STRN3: variants seen among roughly 807,000 people sequenced by gnomAD.
The protein encoded by STRN3 is striatin 3.
Under a neutral mutation model 95.6 loss-of-function variants are expected in STRN3, and 29 were observed. The observed-to-expected ratio is 0.30, with a 90% CI of 0.23 to 0.41. STRN3 has a LOEUF of 0.41. Among genes scored for constraint, STRN3 ranks in the 10% least tolerant of loss-of-function variants. The probability of loss-of-function intolerance (pLI) is 1.00; values close to 1 mark genes in which losing one functional copy is unlikely to be tolerated. For missense variants in STRN3, 890 were observed against 972.1 expected, an observed-to-expected ratio of 0.92 and a Z score of 1.12; for synonymous variants, 331 against 357.6, an observed-to-expected ratio of 0.93 and a Z score of 0.84.
chr14:30,941,094 G>A (rs768304646), intron 5 of STRN3, among the ~76,000 whole-genome samples: 7 of 152,118 alleles, frequency 4.6e-5, no homozygotes, highest in Non-Finnish European at 5.9e-5. Context: ...ACCCAGAAAA[G>A]GGTCTTCACC....
intron 1 of STRN3, among the ~76,000 whole-genome samples, chr14:30,995,879 A>G (rs190430632): frequency 7.2e-5 from 11 of 152,330 alleles, no homozygotes; most frequent in Admixed American, 6.5e-4. Context: ...AGAATGCTGG[A>G]AAACAGCCCT....
chr14:30,902,707 C>A, intron 15 of STRN3, 64 bp from the exon 16 acceptor site: 1 of 1,040,894 alleles, frequency 9.6e-7, no homozygotes, highest in South Asian at 1.4e-5. Flanking sequence ...GGATAATGGC[C>A]TTTTTAATCG....
At position 30,895,371 on chromosome 14, in the gene STRN3, T is replaced by C; in HGVS notation, c.*40A>G. ...ATGGCAGTGATGCAGACCCTCTTTC[T>C]GTCCAAGCAAATCTTGTTACGATGC... On this transcript the variant is annotated 3_prime_UTR_variant, in exon 18 of 18. Coordinates refer to ENST00000357479, the MANE Select transcript of STRN3 (RefSeq NM_001083893.2). 1 of 1,558,246 alleles carries C rather than the reference T, an allele frequency of 6.4e-7. No homozygotes were observed. Among genetic ancestry groups the C allele is most frequent in the South Asian group, 1.2e-5 (1 of 82,876 alleles).
chr14:30,985,395 G>T (rs1594541550), intron 1 of STRN3, among the ~76,000 whole-genome samples: 2 of 152,158 alleles, frequency 1.3e-5, no homozygotes, highest in East Asian at 1.9e-4. Flanking sequence ...CCTGAGGTCG[G>T]GAGTTCGAGA....
intron 16 of STRN3, among the ~76,000 whole-genome samples, chr14:30,898,230 GTC>G (rs146145395): frequency 0.1 from 15,144 of 152,120 alleles, 825 homozygotes; most frequent in South Asian, 0.16. Flanking sequence ...TCCTGCCTCA[GTC>G]TCTCAAAGTG....
intron 5 of STRN3, among the ~76,000 whole-genome samples, chr14:30,937,555 C>T (rs1019570741): frequency 7.9e-5 from 12 of 151,854 alleles, no homozygotes; most frequent in Non-Finnish European, 1.5e-4. Context: ...TATGCACACA[C>T]AAAAAAAGGT....
intron 16 of STRN3, among the ~76,000 whole-genome samples, chr14:30,898,417 T>C (rs890469683): frequency 6.6e-6 from 1 of 152,198 alleles, no homozygotes; most frequent in Non-Finnish European, 1.5e-5. Context: ...ATGCTATAAT[T>C]TTCCAAGTTT....
chr14:30,972,797 C>A (rs1326254059), intron 1 of STRN3, among the ~76,000 whole-genome samples: 2 of 152,028 alleles, frequency 1.3e-5, no homozygotes, highest in African/African-American at 4.8e-5. Flanking sequence ...AGAACAAGAC[C>A]CTATCTCTAT....
At chr14:31,025,084 C>T (rs1013793342) in intron 1 of STRN3, 3 of 152,152 alleles carry the variant, frequency 2.0e-5, no homozygotes, top group African/African-American at 4.8e-5. Context: ...GATATAACTA[C>T]GTTTCACTTC....
rs561008066 is a variant in STRN3 at position 31,020,864 on chromosome 14, C to A, written c.282+5040G>T. Among the ~76,000 whole-genome samples the A allele has an allele frequency of 4.6e-5, 7 of 152,156 alleles. No individual in the cohort carries two copies. The East Asian group carries it at 1.2e-3, about 25-fold the overall frequency. ...GAGGCTACAGTAAGCCATGTTGGCACCACTGCACTCCAGCCTCGGCAACAG... is the reference window on the plus strand; with the variant it reads ...GAGGCTACAGTAAGCCATGTTGGCAACACTGCACTCCAGCCTCGGCAACAG... On this transcript the variant is annotated intron_variant, in intron 1 of 17. Transcript: ENST00000357479.
At chr14:30,972,403 G>A (rs1880879552) in intron 1 of STRN3, among the ~76,000 whole-genome samples, 1 of 152,188 alleles carries the variant, frequency 6.6e-6, no homozygotes, top group Non-Finnish European at 1.5e-5. Flanking sequence ...ATGCATCAGG[G>A]ATAAAGAACC....
chr14:30,975,537 CT>C lies in STRN3; in HGVS notation c.283-19296del, dbSNP rs1245586939. Among the ~76,000 whole-genome samples the C allele has an allele frequency of 3.5e-5, 3 of 84,960 alleles. No individual in the cohort carries two copies. In the East Asian group the frequency reaches 8.2e-4, roughly 23 times the overall value. 55.7% of individuals were successfully genotyped at this position (84,960 alleles called of 152,430 possible). A position where few individuals can be genotyped will look rare whatever the true frequency, so the allele number is the denominator to read the frequency against. On this transcript the variant is annotated intron_variant, in intron 1 of 17. Transcript: ENST00000357479. ...GCAACCAAATGCTACCTATTCCCCC[CT>C]ACTGAAAAAAAAAAAAAAAGAAGAA...
At chr14:30,984,915 G>A (rs1227706814) in intron 1 of STRN3, among the ~76,000 whole-genome samples, 1 of 152,202 alleles carries the variant, frequency 6.6e-6, no homozygotes, top group Admixed American at 6.5e-5. Flanking sequence ...GATTTGAATA[G>A]ATGAGGATTA....
At chr14:30,902,295 G>A (rs1292237064) in intron 16 of STRN3, among the ~76,000 whole-genome samples, 2 of 150,498 alleles carry the variant, frequency 1.3e-5, no homozygotes, top group Non-Finnish European at 2.9e-5. Context: ...CAAATGGAAG[G>A]ATCTACATTT....
intron 1 of STRN3, among the ~76,000 whole-genome samples, chr14:31,007,197 C>T (rs1192244332): frequency 1.3e-5 from 2 of 152,164 alleles, no homozygotes; most frequent in African/African-American, 4.8e-5. Context: ...GGAAGGACCG[C>T]AGCAGACATT....
intron 1 of STRN3, among the ~76,000 whole-genome samples, chr14:30,979,877 G>C (rs1881302708): frequency 6.6e-6 from 1 of 151,982 alleles, no homozygotes; most frequent in African/African-American, 2.4e-5. Flanking sequence ...TGGGATTACA[G>C]AAGTGAGCCA....
intron 4 of STRN3, 56 bp from the exon 5 acceptor site, chr14:30,947,319 A>G: frequency 7.4e-7 from 1 of 1,357,172 alleles, no homozygotes. Context: ...GCCAGACTCA[A>G]AATCACATCA....
rs768664760 is a variant in STRN3, at chr14:30,936,653, A to G, written c.717-29T>C. The stretch of plus-strand genomic sequence containing the variant: ...TGCGAAGGAAAAAAAGATAAATCCA[A>G]CTATTCCAATGGTTGGTTCTAATAT... On this transcript the variant is annotated intron_variant, in intron 5 of 17. Transcript: ENST00000357479. 7 of 1,591,818 alleles carry G rather than the reference A, an allele frequency of 4.4e-6. No individual in the cohort carries two copies. The South Asian group carries it at 6.9e-5, about 16-fold the overall frequency.
At chr14:30,933,280 TAAAAAAAA>T (rs35736582) in intron 7 of STRN3, among the ~76,000 whole-genome samples, 4 of 22,778 alleles carry the variant, frequency 1.8e-4, no homozygotes, top group African/African-American at 3.0e-4. Flanking sequence ...CCCTGTTTCA[TAAAAAAAA>T]AAAAAAAAAA....
Sources: gnomAD v4.1 joint callset for allele counts (sites outside exome capture counted in the v4.1 genomes callset) on GRCh38, gnomAD v4.1.1 for gene constraint, MANE v1.5 for transcripts, NCBI Gene and HGNC (gene_info 2026-07-23, HGNC 2026-07-21) for gene names.